Variants in UBQLN4 observed in about 807,000 individuals in gnomAD.
UBQLN4 encodes ubiquilin-4.
Under a neutral mutation model 60.4 loss-of-function variants are expected in UBQLN4, and 11 were observed. The ratio of observed to expected loss-of-function variants is 0.18; its 90% CI spans 0.11 to 0.30. The LOEUF is 0.30. Ranked by LOEUF, UBQLN4 falls within the 10% of genes least tolerant of loss-of-function variation. UBQLN4 has a pLI of 1.00. For synonymous variants in UBQLN4, 258 were observed against 313.1 expected, an observed-to-expected ratio of 0.82 and a Z score of 1.86; for missense variants, 417 against 795.5, an observed-to-expected ratio of 0.52 and a Z score of 5.72.
chr1:156,043,354 T>C (rs1208655404), intron 6 of UBQLN4, among the ~76,000 whole-genome samples: 3 of 152,168 alleles, frequency 2.0e-5, no homozygotes, highest in African/African-American at 4.8e-5. Flanking sequence ...GCCTCTCCCA[T>C]TGGGTCCTTC....
At chr1:156,038,396 A>G (rs1683461554) in intron 10 of UBQLN4, among the ~76,000 whole-genome samples, 1 of 151,692 alleles carries the variant, frequency 6.6e-6, no homozygotes, top group Non-Finnish European at 1.5e-5. Context: ...GTGGTGGCTC[A>G]TGCCTGTAAT....
intron 9 of UBQLN4, 28 bp from the exon 10 acceptor site, chr1:156,041,699 G>A: frequency 6.7e-7 from 1 of 1,487,948 alleles, no homozygotes; most frequent in Non-Finnish European, 8.9e-7. Flanking sequence ...CAAGAGGTAG[G>A]AGATGGCATC....
Position 156,041,498 on chromosome 1 carries a change from C to T in UBQLN4, c.1640G>A (p.Ser547Asn). 1 of 1,599,916 alleles carries T rather than the reference C, an allele frequency of 6.3e-7. No homozygotes were observed. The highest frequency in any genetic ancestry group is 8.5e-7 in the Non-Finnish European group (1 of 1,173,760). Residue 547 changes from serine (S) to asparagine (N), a missense_variant, in exon 10 of 11, where the codon AGT (serine) becomes AAT (asparagine). By Grantham distance (46) the Ser-to-Asn change is conservative. Coordinates refer to ENST00000368309, the MANE Select transcript of UBQLN4 (RefSeq NM_020131.5). The part of the protein sequence containing the change: ...MQQMIQLLAG[S>N]GNSQVQTPEV... ...TGCCTCATGTACCTGTGAGTTTCCA[C>T]TTCCAGCCAAAAGCTGGATCATCTG...
chr1:156,046,571 A>G (rs1683709522), intron 5 of UBQLN4, among the ~76,000 whole-genome samples: 1 of 148,610 alleles, frequency 6.7e-6, no homozygotes, highest in African/African-American at 2.5e-5. Flanking sequence ...AGCCAAGTGC[A>G]GTGGCTCACA....
chr1:156,046,221 C>T (rs1282333032), intron 5 of UBQLN4, among the ~76,000 whole-genome samples: 1 of 151,634 alleles, frequency 6.6e-6, no homozygotes, highest in Non-Finnish European at 1.5e-5. Flanking sequence ...GGCACGGTGG[C>T]TCACGCCTAT....
chr1:156,051,806 G>A lies in UBQLN4; in HGVS notation c.160C>T (p.Leu54=). Residue 54 remains leucine, a synonymous_variant, in exon 2 of 11, where the codon CTG becomes TTG. Transcript: ENST00000368309. ...RFKAQQDQLV[L]IFAGKILKDG... ...TTGAGGATCTTGCCTGCGAAGATCA[G>A]GACCAGCTGATCCTGCTGAGCCTTA... 1 of 1,614,176 alleles carries A rather than the reference G, an allele frequency of 6.2e-7. No homozygotes were observed.
intron 4 of UBQLN4, among the ~76,000 whole-genome samples, chr1:156,049,034 G>T (rs1382588669): frequency 6.6e-6 from 1 of 152,206 alleles, no homozygotes; most frequent in Non-Finnish European, 1.5e-5. Context: ...CATCTACTGA[G>T]AACCTACTGT....
At chr1:156,041,161 CAT>C (rs1683551018) in intron 10 of UBQLN4, among the ~76,000 whole-genome samples, 1 of 152,132 alleles carries the variant, frequency 6.6e-6, no homozygotes, top group Non-Finnish European at 1.5e-5. Context: ...CAGTTTTCCC[CAT>C]CTTTAACACA....
Position 156,047,878 on chromosome 1 carries a change from C to T in UBQLN4, c.900+623G>A, listed in dbSNP as rs1409543397. Among the ~76,000 whole-genome samples, 6 of 127,776 alleles carry T rather than the reference C, an allele frequency of 4.7e-5. No individual in the cohort carries two copies. In the South Asian group the frequency reaches 1.4e-3, roughly 30 times the overall value. 83.8% of individuals were successfully genotyped at this position (127,776 alleles called of 152,430 possible). On this transcript the variant is annotated intron_variant, in intron 5 of 10. Transcript: ENST00000368309. ...CTGCATTCCAGCCTGGGCGATAGAG[C>T]GAGACTCCATCTCAAAAAAAAAAAA...
At chr1:156,042,719 CCCAA>C in intron 7 of UBQLN4, 51 bp downstream of exon 7, 1 of 1,593,352 alleles carries the variant, frequency 6.3e-7, no homozygotes, top group Non-Finnish European at 8.6e-7. Context: ...AGAAACTGCC[CCCAA>C]CCAAGAGGAA....
At chr1:156,047,242 A>ATTTTT (rs35659997) in intron 5 of UBQLN4, among the ~76,000 whole-genome samples, 1 of 133,756 alleles carries the variant, frequency 7.5e-6, no homozygotes, top group Non-Finnish European at 1.6e-5. Flanking sequence ...TAACTTGTGA[A>ATTTTT]TTTTTTTTTT....
At chr1:156,037,500 G>A (rs1683439324) in intron 10 of UBQLN4, among the ~76,000 whole-genome samples, 1 of 152,186 alleles carries the variant, frequency 6.6e-6, no homozygotes, top group African/African-American at 2.4e-5. Flanking sequence ...GGAGGCTGAG[G>A]CAGGAGAATG....
chr1:156,041,364 C>T (rs1182952228), intron 10 of UBQLN4, 121 bp downstream of exon 10: 1 of 1,096,000 alleles, frequency 9.1e-7, no homozygotes, highest in Non-Finnish European at 1.2e-6. Flanking sequence ...CCAAGGCTAG[C>T]AAGTGGCAGA....
chr1:156,035,751 C>T lies in UBQLN4; in HGVS notation c.*1227G>A. On this transcript the variant is annotated 3_prime_UTR_variant, in exon 11 of 11. Coordinates refer to ENST00000368309, the MANE Select transcript of UBQLN4 (RefSeq NM_020131.5). The stretch of plus-strand genomic sequence containing the variant: ...GGGTACCCACATTACCTCTGGGTTA[C>T]CCAGCATCCAGAGCCCCAAGGGACC... The T allele has an allele frequency of 1.0e-6, 1 of 985,482 alleles. No individual in the cohort carries two copies. Among genetic ancestry groups the T allele is most frequent in the Non-Finnish European group, 1.2e-6 (1 of 829,956 alleles). 61.0% of individuals were successfully genotyped at this position (985,482 alleles called of 1,614,324 possible).
Position 156,053,676 on chromosome 1 carries a change from G to A in UBQLN4, c.26C>T (p.Thr9Met). MAEPSGAE[T>M]RPPIRVTVKT... ...GACGGTGACCCGAATGGGGGGCCTCGTCTCGGCCCCGCTCGGCTCCGCCAT... is the reference window on the plus strand; with the variant it reads ...GACGGTGACCCGAATGGGGGGCCTCATCTCGGCCCCGCTCGGCTCCGCCAT... The change falls in exon 1 of 11, where the codon ACG (threonine) becomes ATG (methionine). Residue 9 changes from threonine to methionine, a missense_variant. Coordinates refer to ENST00000368309, the MANE Select transcript of UBQLN4 (RefSeq NM_020131.5). 8 of 1,331,822 alleles carry A rather than the reference G, an allele frequency of 6.0e-6. No individual in the cohort carries two copies. Among genetic ancestry groups the A allele is most frequent in the Non-Finnish European group, 7.7e-6 (8 of 1,034,280 alleles). The allele number at this position is 1,331,822 out of a possible 1,614,324, so 82.5% of individuals were successfully genotyped here. A position where few individuals can be genotyped will look rare whatever the true frequency, so the allele number is the denominator to read the frequency against.
At chr1:156,041,790 G>T in intron 9 of UBQLN4, 82 bp downstream of exon 9, 1 of 1,477,740 alleles carries the variant, frequency 6.8e-7, no homozygotes, top group African/African-American at 1.4e-5. Flanking sequence ...AGACACAAAG[G>T]ATGCTGAGAG....
chr1:156,034,857 A>ATATATATATATATATG (rs1683361101), downstream of UBQLN4, among the ~76,000 whole-genome samples: 1 of 83,806 alleles, frequency 1.2e-5, no homozygotes, highest in Non-Finnish European at 2.6e-5. Context: ...ATATATATAT[A>ATATATATATATATATG]TATATATATA....
Position 156,044,059 on chromosome 1 carries a change from G to A in UBQLN4, c.1065C>T (p.Thr355=). The A allele has an allele frequency of 6.2e-7, 1 of 1,604,632 alleles. No homozygotes were observed. The change falls in exon 6 of 11, where the codon ACC becomes ACT. Residue 355 remains threonine (T), a synonymous_variant. Coordinates refer to ENST00000368309, the MANE Select transcript of UBQLN4 (RefSeq NM_020131.5). The part of the protein sequence containing the change: ...SGGEGTGGSG[T]SQVHPTVSNP... Reference sequence around the variant, plus strand: ...TCGAGACTGTCGGGTGCACCTGGCTGGTCCCCGATCCTCCGGTGCCCTCCC... The same window carrying A: ...TCGAGACTGTCGGGTGCACCTGGCTAGTCCCCGATCCTCCGGTGCCCTCCC...
chr1:156,048,727 C>T lies in UBQLN4; in HGVS notation c.742-68G>A. On this transcript the variant is annotated intron_variant, in intron 4 of 10. Coordinates refer to ENST00000368309, the MANE Select transcript of UBQLN4 (RefSeq NM_020131.5). The surrounding 1 kb of genome is among the most constrained non-coding windows in gnomAD (Gnocchi z 4.9). ...AGCACCAACCTAGGAAAAGGGTGGG[C>T]CTTGAGGAAGGGGGGTCTGTATCAG... The T allele has an allele frequency of 2.6e-6, 4 of 1,550,728 alleles. No homozygotes were observed. Among genetic ancestry groups the T allele is most frequent in the Middle Eastern group, 1.7e-4 (1 of 5,834 alleles).
Sources: gnomAD v4.1 joint callset for allele counts (sites outside exome capture counted in the v4.1 genomes callset) on GRCh38, gnomAD v4.1.1 for gene constraint, Gnocchi (gnomAD v3.1) non-coding constraint, MANE v1.5 for transcripts, NCBI Gene and HGNC (gene_info 2026-07-23, HGNC 2026-07-21) for gene names.